Variants in LYPD6B observed in about 807,000 individuals in gnomAD.
LYPD6B encodes the protein ly6/PLAUR domain-containing protein 6B.
LYPD6B carries 17 observed loss-of-function variants against 22.8 expected under a neutral mutation model. The observed-to-expected ratio is 0.75, with a 90% CI of 0.51 to 1.12. The LOEUF (loss-of-function observed/expected upper bound fraction) is 1.12. LYPD6B is among the 50% of genes most tolerant of loss of function. The pLI, the probability that LYPD6B is intolerant of heterozygous loss-of-function variation, is 0.00. For missense variants in LYPD6B, 221 were observed against 258.3 expected, an observed-to-expected ratio of 0.86 and a Z score of 0.99; for synonymous variants, 106 against 91.6, an observed-to-expected ratio of 1.16 and a Z score of -0.90.
At chr2:149,155,691 C>G (rs1288116247) in intron 2 of LYPD6B, among the ~76,000 whole-genome samples, 2 of 152,200 alleles carry the variant, frequency 1.3e-5, no homozygotes, top group Non-Finnish European at 2.9e-5. Context: ...TGCCTCCCAA[C>G]AGTCCATTTT....
chr2:149,094,248 G>A (rs187228991), intron 1 of LYPD6B, among the ~76,000 whole-genome samples: 49 of 152,150 alleles, frequency 3.2e-4, no homozygotes, highest in African/African-American at 1.2e-3. Context: ...TTCGACTATC[G>A]GCATGCAATT....
At chr2:149,094,134 G>C (rs1685795532) in intron 1 of LYPD6B, among the ~76,000 whole-genome samples, 1 of 152,090 alleles carries the variant, frequency 6.6e-6, no homozygotes, top group African/African-American at 2.4e-5. Flanking sequence ...CTTAATTTTT[G>C]GTACTGGTTT....
At chr2:149,148,814 C>G (rs937526118) in intron 2 of LYPD6B, among the ~76,000 whole-genome samples, 3 of 152,144 alleles carry the variant, frequency 2.0e-5, no homozygotes, top group Admixed American at 2.0e-4. Context: ...AGGTGTGACA[C>G]GAGTGCTTGG....
In LYPD6B at chr2:149,119,397, A is replaced by G. The variant is rs561768406; in HGVS notation, c.-66-11486A>G. ...GTTGTAATGTCAATATGATATCATA[A>G]TTGTCTTCCACACGAAGACATTGTC... On this transcript the variant is annotated intron_variant, in intron 1 of 6. Coordinates refer to ENST00000409642, the MANE Select transcript of LYPD6B (RefSeq NM_177964.5). Among the ~76,000 whole-genome samples the G allele has an allele frequency of 7.2e-5, 11 of 152,374 alleles. No homozygotes were observed. The South Asian group carries it at 2.3e-3, about 32-fold the overall frequency.
intron 2 of LYPD6B, among the ~76,000 whole-genome samples, chr2:149,141,885 G>T (rs75717792): frequency 4.6e-5 from 7 of 152,324 alleles, no homozygotes; most frequent in Non-Finnish European, 8.8e-5. Flanking sequence ...CTGGTGGCTT[G>T]CTTGCAGTCT....
intron 3 of LYPD6B, among the ~76,000 whole-genome samples, chr2:149,198,530 A>T (rs1281115650): frequency 2.0e-5 from 3 of 152,190 alleles, no homozygotes; most frequent in African/African-American, 7.2e-5. Flanking sequence ...AAAATTGATT[A>T]GACTGTTTCT....
intron 1 of LYPD6B, among the ~76,000 whole-genome samples, chr2:149,070,401 C>T (rs1287938175): frequency 2.0e-5 from 3 of 152,098 alleles, no homozygotes; most frequent in Non-Finnish European, 4.4e-5. Context: ...AATTTTTCTT[C>T]TCTTTAGCGC....
In LYPD6B at chr2:149,063,253, T is replaced by A. The variant is rs1483523057; in HGVS notation, c.-67+24452T>A. On this transcript the variant is annotated intron_variant, in intron 1 of 6. Coordinates refer to ENST00000409642, the MANE Select transcript of LYPD6B (RefSeq NM_177964.5). ...GTTTTACTTCTTTACTTTTATTTTT[T>A]TCGGGCCAAGGGGTGTTATTTTCAG... Among the ~76,000 whole-genome samples the A allele has an allele frequency of 2.6e-5, 4 of 152,192 alleles. No homozygotes were observed. In the South Asian group the frequency reaches 8.3e-4, roughly 31 times the overall value.
intron 1 of LYPD6B, among the ~76,000 whole-genome samples, chr2:149,083,690 A>T (rs7557332): frequency 0.12 from 18,826 of 152,204 alleles, 1,641 homozygotes; most frequent in East Asian, 0.37. Context: ...AAGCTACTTC[A>T]TAGGTGATGC....
At chr2:149,057,063 T>C (rs1195739871) in intron 1 of LYPD6B, among the ~76,000 whole-genome samples, 1 of 152,170 alleles carries the variant, frequency 6.6e-6, no homozygotes, top group Non-Finnish European at 1.5e-5. Flanking sequence ...CAGAAAAGAG[T>C]GAAAGTAAAG....
At chr2:149,163,052 G>T (rs528454192) in intron 3 of LYPD6B, among the ~76,000 whole-genome samples, 1 of 152,106 alleles carries the variant, frequency 6.6e-6, no homozygotes, top group Non-Finnish European at 1.5e-5. Context: ...CTCTGTGGGG[G>T]GTGGGGCAGG....
At chr2:149,071,899 T>C (rs1684620717) in intron 1 of LYPD6B, among the ~76,000 whole-genome samples, 1 of 152,188 alleles carries the variant, frequency 6.6e-6, no homozygotes, top group Non-Finnish European at 1.5e-5. Context: ...GTTGTTTTGC[T>C]GGTAACATTC....
At position 149,130,570 on chromosome 2, in the gene LYPD6B, A is replaced by T. The variant is rs1487166842; in HGVS notation, c.-66-313A>T. 9.5e-4 allele frequency among the ~76,000 whole-genome samples: 144 copies of T among 152,334 alleles called. 2 individuals carry two copies. Among genetic ancestry groups the T allele is most frequent in the Admixed American group, 9.4e-3 (144 of 15,294 alleles). Reference sequence around the variant, plus strand: ...GCCTTGTCCCACTAACTTACAGCAGAGCTGGATTAAGTGATTTTCTGTGAC... The same window carrying T: ...GCCTTGTCCCACTAACTTACAGCAGTGCTGGATTAAGTGATTTTCTGTGAC... On this transcript the variant is annotated intron_variant, in intron 1 of 6. Coordinates refer to ENST00000409642, the MANE Select transcript of LYPD6B (RefSeq NM_177964.5).
At chr2:149,052,312 C>T (rs772697208) in intron 1 of LYPD6B, among the ~76,000 whole-genome samples, 77 of 152,286 alleles carry the variant, frequency 5.1e-4, no homozygotes, top group Middle Eastern at 6.8e-3. Context: ...GCCTCAGCAT[C>T]CCAAAGTGCT....
intron 1 of LYPD6B, among the ~76,000 whole-genome samples, chr2:149,059,241 G>A (rs1683955140): frequency 1.3e-5 from 2 of 152,180 alleles, no homozygotes; most frequent in Non-Finnish European, 2.9e-5. Context: ...CCCTGTCATG[G>A]GAATCTTTTC....
intron 2 of LYPD6B, among the ~76,000 whole-genome samples, chr2:149,155,318 T>C (rs1203233148): frequency 6.6e-6 from 1 of 152,202 alleles, no homozygotes; most frequent in Non-Finnish European, 1.5e-5. Flanking sequence ...GTTTGACAAG[T>C]TCTCTATTCA....
chr2:149,189,369 C>CTAT (rs1692348961), intron 3 of LYPD6B, among the ~76,000 whole-genome samples: 1 of 91,666 alleles, frequency 1.1e-5, no homozygotes, highest in African/African-American at 4.9e-5. Context: ...TATATATATA[C>CTAT]ACACACATAT....
At chr2:149,113,573 A>T (rs1270422494) in intron 1 of LYPD6B, among the ~76,000 whole-genome samples, 1 of 152,184 alleles carries the variant, frequency 6.6e-6, no homozygotes, top group African/African-American at 2.4e-5. Flanking sequence ...AGTGAAATAC[A>T]TTGCAATCTG....
chr2:149,175,982 A>G (rs555988005), intron 3 of LYPD6B, among the ~76,000 whole-genome samples: 23 of 152,328 alleles, frequency 1.5e-4, no homozygotes, highest in African/African-American at 5.3e-4. Flanking sequence ...AAATAAAAGT[A>G]TACTCTAAAA....
Sources: gnomAD v4.1 joint callset for allele counts (sites outside exome capture counted in the v4.1 genomes callset) on GRCh38, gnomAD v4.1.1 for gene constraint, MANE v1.5 for transcripts, NCBI Gene and HGNC (gene_info 2026-07-23, HGNC 2026-07-21) for gene names.